The following DENND1B variants were observed in gnomAD, a reference collection of about 807,000 sequenced individuals.
DENND1B encodes DENN domain-containing protein 1B.
In DENND1B, 59 loss-of-function variants were observed where a neutral mutation model predicts 90.1. The ratio of observed to expected loss-of-function variants is 0.65; its 90% CI spans 0.53 to 0.81. The LOEUF (loss-of-function observed/expected upper bound fraction) is 0.81, where lower values mean the gene tolerates loss of function less well. DENND1B is among the 40% of genes least tolerant of loss of function. The pLI, the probability that DENND1B is intolerant of heterozygous loss-of-function variation, is 0.00. For synonymous variants in DENND1B, 337 were observed against 324.6 expected, an observed-to-expected ratio of 1.04 and a Z score of -0.41; for missense variants, 862 against 912.6, an observed-to-expected ratio of 0.94 and a Z score of 0.71.
intron 2 of DENND1B, chr1:197,735,706 C>T (rs1662600051): frequency 6.2e-7 from 1 of 1,613,818 alleles, no homozygotes; most frequent in Admixed American, 1.7e-5. Context: ...TACGCCAGGA[C>T]CGACAGGAAA....
intron 2 of DENND1B, chr1:197,735,698 C>G (rs540387621): frequency 1.9e-5 from 31 of 1,613,862 alleles, no homozygotes; most frequent in Non-Finnish European, 2.4e-5. Context: ...GGAGGCGCTA[C>G]GCCAGGACCG....
At position 197,757,621 on chromosome 1, in the gene DENND1B, C is replaced by T. The variant is rs150231739; in HGVS notation, c.82+15247G>A. Among the ~76,000 whole-genome samples, 733 of 152,238 alleles carry T rather than the reference C, an allele frequency of 4.8e-3. 7 individuals are homozygous for T. The highest frequency in any genetic ancestry group is 0.016 in the African/African-American group (677 of 41,534). On this transcript the variant is annotated intron_variant, in intron 2 of 22. Coordinates refer to ENST00000620048, the MANE Select transcript of DENND1B (RefSeq NM_001195215.2). ...TCTGACAAAATATAAACTTCATCAA[C>T]ATTATTAAATTACCTATAAAAAGGA...
In DENND1B at chr1:197,607,357, C is replaced by T. The variant is rs149962548; in HGVS notation, c.820-183G>A. Among the ~76,000 whole-genome samples the T allele has an allele frequency of 4.8e-4, 72 of 150,806 alleles. No homozygotes were observed. The East Asian group carries it at 8.6e-3, about 18-fold the overall frequency. ...TGAGAAAGTCTGACTACAACTCATA[C>T]GAAAAGATTTAGTAAAAATGCTTAA... On this transcript the variant is annotated intron_variant, in intron 12 of 22. Coordinates refer to ENST00000620048, the MANE Select transcript of DENND1B (RefSeq NM_001195215.2).
intron 15 of DENND1B, among the ~76,000 whole-genome samples, chr1:197,567,214 C>T (rs1481315297): frequency 1.3e-5 from 2 of 151,938 alleles, no homozygotes; most frequent in African/African-American, 2.4e-5. Context: ...TATAAAGAAT[C>T]ATAAGAGTCT....
chr1:197,517,517 G>A (rs899590017), intron 20 of DENND1B, among the ~76,000 whole-genome samples: 2 of 151,762 alleles, frequency 1.3e-5, no homozygotes, highest in African/African-American at 4.8e-5. Context: ...TCTTTGCACT[G>A]TCTTTGTCTA....
At chr1:197,606,960 T>C (rs1450736096) in intron 13 of DENND1B, 113 bp downstream of exon 13, 1 of 742,894 alleles carries the variant, frequency 1.3e-6, no homozygotes, top group Non-Finnish European at 2.3e-6. Context: ...TCACACCCCA[T>C]GCAAATACCC....
intron 10 of DENND1B, among the ~76,000 whole-genome samples, chr1:197,628,920 G>A (rs999439028): frequency 6.6e-5 from 10 of 152,072 alleles, no homozygotes; most frequent in Middle Eastern, 6.8e-3. Context: ...AAAAACACAT[G>A]AAAAAATGCT....
chr1:197,680,365 A>G (rs112104369), intron 3 of DENND1B, among the ~76,000 whole-genome samples: 109 of 152,304 alleles, frequency 7.2e-4, no homozygotes, highest in African/African-American at 2.5e-3. Flanking sequence ...AACACTCCCC[A>G]TAATATTTGC....
At chr1:197,722,324 T>C (rs989100774) in intron 2 of DENND1B, among the ~76,000 whole-genome samples, 5 of 152,112 alleles carry the variant, frequency 3.3e-5, no homozygotes, top group African/African-American at 1.2e-4. Flanking sequence ...GTATCCTGTG[T>C]CTGGAGCTAG....
At position 197,642,815 on chromosome 1, in the gene DENND1B, G is replaced by T; in HGVS notation, c.568C>A (p.Leu190Ile). ...GLPTIPESRN[L>I]TEYFVAVDVN... ...TCCACGGCAACAAAATATTCTGTAA[G>T]ATTTCTCTGTACAAGTAAAAGATAA... Residue 190 changes from leucine to isoleucine, a missense_variant, in exon 10 of 23, where the codon CTT (leucine) becomes ATT (isoleucine). By Grantham distance (5) the Leu-to-Ile change is conservative (BLOSUM62 2). Transcript: ENST00000620048. 6.2e-7 allele frequency: 1 copy of T among 1,610,910 alleles called. No homozygotes were observed. The highest frequency in any genetic ancestry group is 1.7e-5 in the Admixed American group (1 of 59,766).
chr1:197,529,361 CAT>C (rs1157727550), intron 20 of DENND1B, among the ~76,000 whole-genome samples: 3 of 149,568 alleles, frequency 2.0e-5, no homozygotes, highest in African/African-American at 7.4e-5. Flanking sequence ...CACGCGCGCA[CAT>C]GTGTATGTGT....
chr1:197,510,594 C>T lies in DENND1B; in HGVS notation c.2194G>A (p.Glu732Lys), dbSNP rs538571059. 60 of 1,612,628 alleles carry T rather than the reference C, an allele frequency of 3.7e-5. No individual in the cohort carries two copies. In the South Asian group the frequency reaches 6.3e-4, roughly 17 times the overall value. The change falls in exon 23 of 23, where the codon GAA becomes AAA. Residue 732 changes from glutamate to lysine, a missense_variant. Transcript: ENST00000620048. ...GAAGTCTCTTTGGCTTCTTTCCCTT[C>T]TTTCTCCCAAGGAACAAAAGTCGAT... ...HSSTFVPWEKEGKEAKETSED... is the reference protein window; with the variant it reads ...HSSTFVPWEKKGKEAKETSED...
chr1:197,770,264 C>T (rs1656253874), intron 2 of DENND1B, among the ~76,000 whole-genome samples: 1 of 151,986 alleles, frequency 6.6e-6, no homozygotes, highest in South Asian at 2.1e-4. Context: ...ACAACTTTAC[C>T]AGGCTAGATA....
intron 20 of DENND1B, among the ~76,000 whole-genome samples, chr1:197,536,930 G>A (rs1188251773): frequency 6.6e-6 from 1 of 151,546 alleles, no homozygotes; most frequent in Non-Finnish European, 1.5e-5. Context: ...AGTCCCAGCT[G>A]CTTGGGAGGC....
At chr1:197,717,073 C>A (rs190164430) in intron 2 of DENND1B, among the ~76,000 whole-genome samples, 4 of 151,720 alleles carry the variant, frequency 2.6e-5, no homozygotes, top group Admixed American at 2.0e-4. Flanking sequence ...CCCTTCAGCA[C>A]GCAAAAAATT....
chr1:197,672,224 AAG>A (rs1655584325), intron 4 of DENND1B, 68 bp from the exon 5 acceptor site: 2 of 1,523,016 alleles, frequency 1.3e-6, no homozygotes, highest in East Asian at 2.4e-5. Context: ...AAACAAAAAT[AAG>A]AGTATATTTA....
intron 2 of DENND1B, chr1:197,736,086 T>C: frequency 1.3e-6 from 1 of 795,660 alleles, no homozygotes. Flanking sequence ...AAGTTTCAGT[T>C]CTCGAGTTGG....
At chr1:197,658,101 A>C (rs1017427674) in intron 6 of DENND1B, among the ~76,000 whole-genome samples, 199 bp downstream of exon 6, 5 of 152,104 alleles carry the variant, frequency 3.3e-5, no homozygotes, top group African/African-American at 1.2e-4. Context: ...AGGGTTGGGG[A>C]GGAATGAGTA....
rs1318284135 is a variant in DENND1B, at chr1:197,672,075, T to C, written c.258A>G (p.Arg86=). The C allele has an allele frequency of 3.7e-6, 6 of 1,612,756 alleles. No individual in the cohort carries two copies. The highest frequency in any genetic ancestry group is 5.1e-6 in the Non-Finnish European group (6 of 1,179,186). The change falls in exon 5 of 23, where the codon AGA becomes AGG. Residue 86 remains arginine (R), a synonymous_variant. Transcript: ENST00000620048. ...AACAAATTGTGCCTCCTGACGTCAG[T>C]CTGCAGAATCCAAATCTCTGTTTAC... ...IESKQRFGFC[R]LTSGGTICLC...
Sources: gnomAD v4.1 joint callset for allele counts (sites outside exome capture counted in the v4.1 genomes callset) on GRCh38, gnomAD v4.1.1 for gene constraint, MANE v1.5 for transcripts, NCBI Gene and HGNC (gene_info 2026-07-23, HGNC 2026-07-21) for gene names.